DAB2IP: variants seen among roughly 807,000 people sequenced by gnomAD.
The protein encoded by DAB2IP is disabled homolog 2-interacting protein.
DAB2IP carries 28 observed loss-of-function variants against 107.2 expected under a neutral mutation model. That is an observed-to-expected ratio of 0.26 (90% confidence interval 0.19 to 0.36). The LOEUF is 0.36. DAB2IP is among the 10% of genes least tolerant of loss of function. The pLI is 1.00. For synonymous variants in DAB2IP, 755 were observed against 706.4 expected (o/e 1.07, Z -1.09); for missense variants, 1,400 against 1,644.7 (o/e 0.85, Z 2.57).
intron 1 of DAB2IP, among the ~76,000 whole-genome samples, chr9:121,587,370 G>A (rs1830331529): frequency 6.6e-6 from 1 of 152,200 alleles, no homozygotes; most frequent in Non-Finnish European, 1.5e-5. Flanking sequence ...CACTCTGGGA[G>A]GCTGAGGCGG....
intron 3 of DAB2IP, among the ~76,000 whole-genome samples, chr9:121,721,604 A>G (rs965868308): frequency 6.6e-6 from 1 of 152,222 alleles, no homozygotes; most frequent in Non-Finnish European, 1.5e-5. Flanking sequence ...TTGGATTTAT[A>G]AGAGAAGCCA....
intron 3 of DAB2IP, among the ~76,000 whole-genome samples, chr9:121,700,968 A>G (rs1208761890): frequency 6.6e-6 from 1 of 151,928 alleles, no homozygotes; most frequent in Non-Finnish European, 1.5e-5. Flanking sequence ...CATCTTTGTT[A>G]TTGTCTGGGC....
chr9:121,637,763 C>T (rs552524605), intron 1 of DAB2IP, among the ~76,000 whole-genome samples: 21 of 152,168 alleles, frequency 1.4e-4, no homozygotes, highest in African/African-American at 4.3e-4. Context: ...GCAGAGAGGC[C>T]GAGCGCTGCA....
intron 3 of DAB2IP, among the ~76,000 whole-genome samples, chr9:121,706,761 G>T (rs984123515): frequency 4.6e-5 from 7 of 152,238 alleles, no homozygotes; most frequent in Non-Finnish European, 8.8e-5. Flanking sequence ...TCTGTCCTCT[G>T]TGAGCATGTG....
rs1589433758 is a variant in DAB2IP, at chr9:121,634,951, T to C, written c.41-43727T>C. 6.6e-6 allele frequency among the ~76,000 whole-genome samples: 1 copy of C among 152,086 alleles called. No individual in the cohort carries two copies. Among genetic ancestry groups the C allele is most frequent in the African/African-American group, 2.4e-5 (1 of 41,410 alleles). ...GCCAGAACAGCCAACACCAGGCAGGTTTGATGCCTGATACCATGGGGCCCT... is the reference window on the plus strand; with the variant it reads ...GCCAGAACAGCCAACACCAGGCAGGCTTGATGCCTGATACCATGGGGCCCT... On this transcript the variant is annotated intron_variant, in intron 1 of 16. Coordinates refer to the DAB2IP transcript ENST00000259371. The surrounding 1 kb of genome is among the most constrained non-coding windows in gnomAD (Gnocchi z 4.7).
intron 1 of DAB2IP, among the ~76,000 whole-genome samples, chr9:121,572,041 G>A (rs1426061285): frequency 1.8e-4 from 27 of 152,154 alleles, no homozygotes; most frequent in Admixed American, 1.8e-3. Context: ...TGTGTGAAAA[G>A]TCCAGCTCAG....
chr9:121,664,205 G>A (rs1033225185), intron 1 of DAB2IP, among the ~76,000 whole-genome samples: 7 of 152,194 alleles, frequency 4.6e-5, no homozygotes, highest in Non-Finnish European at 8.8e-5. Context: ...ATGTATGTAT[G>A]GGTCTATTTC....
chr9:121,622,834 G>T (rs937770557), intron 1 of DAB2IP, among the ~76,000 whole-genome samples: 15 of 152,198 alleles, frequency 9.9e-5, no homozygotes, highest in African/African-American at 3.6e-4. Flanking sequence ...GGCAGGTTTG[G>T]CCAAGACAGT....
At chr9:121,646,713 T>C (rs1271226574), upstream of DAB2IP, among the ~76,000 whole-genome samples, 1 of 152,096 alleles carries the variant, frequency 6.6e-6, no homozygotes, top group African/African-American at 2.4e-5. Context: ...ATGCTTCCCC[T>C]GTCAGGACTC....
chr9:121,653,770 G>A (rs1276953464), intron 1 of DAB2IP, among the ~76,000 whole-genome samples: 2 of 152,158 alleles, frequency 1.3e-5, no homozygotes, highest in African/African-American at 2.4e-5. Context: ...CCAGGCAGGG[G>A]ATAATCAATG....
chr9:121,651,764 G>A lies in DAB2IP; in HGVS notation c.-12G>A. The A allele has an allele frequency of 7.4e-7, 1 of 1,344,612 alleles. No individual in the cohort carries two copies. The allele number at this position is 1,344,612 out of a possible 1,614,324, so 83.3% of individuals were successfully genotyped here. ...GCGCCCAGGCCCGGCCCGGTGCCCG[G>A]CGGGCGGCAGCATGTCCGCGGGCGG... On this transcript the variant is annotated 5_prime_UTR_variant, in exon 1 of 16. Transcript: ENST00000408936. The surrounding 1 kb of genome is among the most constrained non-coding windows in gnomAD (Gnocchi z 5.1).
In DAB2IP at chr9:121,599,574, G is replaced by T. The variant is rs1038475979; in HGVS notation, c.40+32346G>T. ...CGCCGGGGGAGGCGCGGAGCCGGCC[G>T]TAGCGCGCTCCTGCCTGGCCAGCCG... On this transcript the variant is annotated intron_variant, in intron 1 of 16. Coordinates refer to the DAB2IP transcript ENST00000259371. The surrounding 1 kb of genome is among the most constrained non-coding windows in gnomAD (Gnocchi z 6.9). Among the ~76,000 whole-genome samples the T allele has an allele frequency of 2.0e-5, 3 of 151,934 alleles. No individual in the cohort carries two copies. Among genetic ancestry groups the T allele is most frequent in the Non-Finnish European group, 4.4e-5 (3 of 67,910 alleles).
intron 1 of DAB2IP, among the ~76,000 whole-genome samples, chr9:121,609,672 T>A (rs1349568529): frequency 1.3e-5 from 2 of 152,246 alleles, no homozygotes; most frequent in African/African-American, 4.8e-5. Flanking sequence ...TTGGAAATCT[T>A]CTGGTGCGAT....
intron 3 of DAB2IP, chr9:121,742,713 C>T (rs2118900689): frequency 1.0e-6 from 1 of 985,548 alleles, no homozygotes; most frequent in Non-Finnish European, 1.2e-6. Flanking sequence ...GCCTTGGTTC[C>T]CTGCACCTGC....
intron 3 of DAB2IP, among the ~76,000 whole-genome samples, chr9:121,709,564 A>C (rs891467205): frequency 3.3e-5 from 5 of 152,190 alleles, no homozygotes; most frequent in African/African-American, 4.8e-5. Flanking sequence ...ACAGCTCATA[A>C]GTGGCAGAGC....
At chr9:121,761,836 A>C (rs1047862183) in intron 6 of DAB2IP, among the ~76,000 whole-genome samples, 2 of 152,050 alleles carry the variant, frequency 1.3e-5, no homozygotes, top group African/African-American at 4.8e-5. Context: ...TGGGCACCAG[A>C]GAGGGAGTGA....
At chr9:121,649,574 C>T (rs1170648314), upstream of DAB2IP, among the ~76,000 whole-genome samples, 1 of 152,184 alleles carries the variant, frequency 6.6e-6, no homozygotes, top group Admixed American at 6.5e-5. Flanking sequence ...TGAACTCAGG[C>T]CCTGGGAGCA....
At chr9:121,712,590 C>T (rs574298541) in intron 3 of DAB2IP, among the ~76,000 whole-genome samples, 1 of 152,114 alleles carries the variant, frequency 6.6e-6, no homozygotes, top group Non-Finnish European at 1.5e-5. Flanking sequence ...TTCCCTCTGA[C>T]GCATGGCCTT....
At chr9:121,775,058 G>C (rs1296048589) in intron 13 of DAB2IP, among the ~76,000 whole-genome samples, 1 of 152,208 alleles carries the variant, frequency 6.6e-6, no homozygotes, top group African/African-American at 2.4e-5. Flanking sequence ...GCTGGGGCAA[G>C]GGGATGCTTC....
Sources: allele counts gnomAD v4.1 joint callset (sites outside exome capture counted in the v4.1 genomes callset), GRCh38; gene constraint gnomAD v4.1.1; non-coding constraint Gnocchi (gnomAD v3.1); transcripts MANE v1.5; gene names NCBI Gene and HGNC (gene_info 2026-07-23, HGNC 2026-07-21).